CP: variants seen among roughly 807,000 people sequenced by gnomAD.
CP encodes ceruloplasmin, also known as caeruloplasmin.
In CP, 64 loss-of-function variants were observed where a neutral mutation model predicts 122.4. That is an observed-to-expected ratio of 0.52 (90% CI 0.43 to 0.64). The LOEUF (loss-of-function observed/expected upper bound fraction) is 0.64, where lower values mean the gene tolerates loss of function less well. Ranked by LOEUF, CP falls within the 30% of genes least tolerant of loss-of-function variation. The pLI is 0.00. For missense variants in CP, 1,167 were observed against 1,284.4 expected (o/e 0.91, Z 1.40); for synonymous variants, 440 against 436.4 (o/e 1.01, Z -0.10).
At chr3:149,201,890 C>T (rs543602249) in intron 7 of CP, among the ~76,000 whole-genome samples, 7 of 152,274 alleles carry the variant, frequency 4.6e-5, no homozygotes, top group East Asian at 1.9e-4. Flanking sequence ...CTACCACTCC[C>T]GGCCGTCAGC....
chr3:149,166,692 T>C (rs1002100557), intron 4 of CP, among the ~76,000 whole-genome samples: 6 of 152,214 alleles, frequency 3.9e-5, no homozygotes, highest in African/African-American at 1.4e-4. Context: ...GCGGTGAACA[T>C]CATTGGACGT....
intron 11 of CP, among the ~76,000 whole-genome samples, chr3:149,185,671 C>T (rs1287711551): frequency 6.6e-6 from 1 of 152,138 alleles, no homozygotes; most frequent in Non-Finnish European, 1.5e-5. Context: ...GCCTTCTCCC[C>T]AAAATATCCT....
Position 149,212,442 on chromosome 3 carries a change from T to G in CP, c.394+9A>C. On this transcript the variant is annotated intron_variant, in intron 2 of 18. Transcript: ENST00000264613. The stretch of plus-strand genomic sequence containing the variant: ...AAGAGGAAATTCCAGCTACATGAGC[T>G]GAACTTACCCTCATGTTCCTTATAG... 2 of 1,613,782 alleles carry G rather than the reference T, an allele frequency of 1.2e-6. No homozygotes were observed. Among genetic ancestry groups the G allele is most frequent in the Non-Finnish European group, 1.7e-6 (2 of 1,179,856 alleles).
Position 149,183,506 on chromosome 3 carries a change from T to C in CP, c.2385A>G (p.Pro795=). 2.5e-6 allele frequency: 4 copies of C among 1,611,892 alleles called. No individual in the cohort carries two copies. Among genetic ancestry groups the C allele is most frequent in the Non-Finnish European group, 3.4e-6 (4 of 1,179,794 alleles). ...GTTCTTCTTCAGCTTTTCTCTCCAC[T>C]GGAACACGGAATGTGCTATCAGTAT... ...RQYTDSTFRV[P]VERKAEEEHL... is the part of the protein sequence containing the mutation. Residue 795 remains proline (P), a synonymous_variant, in exon 13 of 19, where the codon CCA becomes CCG. Transcript: ENST00000264613.
intron 7 of CP, among the ~76,000 whole-genome samples, chr3:149,201,884 C>G (rs1727350187): frequency 6.6e-6 from 1 of 152,178 alleles, no homozygotes; most frequent in Admixed American, 6.5e-5. Flanking sequence ...GGTGAGCTAC[C>G]ACTCCCGGCC....
At chr3:149,207,169 T>G (rs1162953693) in intron 5 of CP, among the ~76,000 whole-genome samples, 194 bp downstream of exon 5, 1 of 152,208 alleles carries the variant, frequency 6.6e-6, no homozygotes, top group Admixed American at 6.5e-5. Flanking sequence ...TAATATATTT[T>G]CAAATTTCAT....
At chr3:149,162,806 A>T in exon 6 of CP, 1 of 1,614,072 alleles carries the variant, frequency 6.2e-7, no homozygotes, top group Non-Finnish European at 8.5e-7. Context: ...TCAAACTCAC[A>T]TCACAGTACA....
Position 149,221,765 on chromosome 3 carries a change from GA to G in CP, c.27del (p.Leu10CysfsTer75), listed in dbSNP as rs1396959660. 1 of 1,613,636 alleles carries G rather than the reference GA, an allele frequency of 6.2e-7. No homozygotes were observed. Among genetic ancestry groups the G allele is most frequent in the Non-Finnish European group, 8.5e-7 (1 of 1,179,756 alleles). ...CAGGCTGGGGTACTACATAAAAACA[GA>G]AAAATACCAAGTATCAAAATCTTCA... MKILILGI[F>X]LFLCSTPAWA... is the part of the protein sequence containing the mutation. On this transcript the variant is annotated frameshift_variant, in exon 1 of 19. Transcript: ENST00000264613. LOFTEE classifies it high-confidence loss of function.
At chr3:149,182,966 C>T (rs1725883229) in intron 13 of CP, among the ~76,000 whole-genome samples, 1 of 152,026 alleles carries the variant, frequency 6.6e-6, no homozygotes, top group Non-Finnish European at 1.5e-5. Flanking sequence ...GCCTGGCCAA[C>T]ATGGTGAAAC....
At position 149,206,704 on chromosome 3, in the gene CP, G is replaced by A. The variant is rs1727751356; in HGVS notation, c.1037-365C>T. 4.6e-5 allele frequency among the ~76,000 whole-genome samples: 7 copies of A among 152,090 alleles called. 1 individual carries two copies. The South Asian group carries it at 1.2e-3, about 27-fold the overall frequency. ...ATTTTAAGGGGTTGCATTGGGTGGAGGAGGAGGTACAAGGAGGAGGTACCA... is the reference window on the plus strand; with the variant it reads ...ATTTTAAGGGGTTGCATTGGGTGGAAGAGGAGGTACAAGGAGGAGGTACCA... On this transcript the variant is annotated intron_variant, in intron 5 of 18. Transcript: ENST00000264613.
chr3:149,163,323 G>T (rs1377048148), intron 5 of CP, among the ~76,000 whole-genome samples: 1 of 152,160 alleles, frequency 6.6e-6, no homozygotes, highest in South Asian at 2.1e-4. Context: ...TACAGGAGCT[G>T]TTCTGTGGCA....
chr3:149,181,392 C>G (rs1028859602), intron 14 of CP, among the ~76,000 whole-genome samples: 2 of 152,140 alleles, frequency 1.3e-5, no homozygotes, highest in African/African-American at 4.8e-5. Context: ...GGAAGCCCTC[C>G]TGACCTCTCT....
At chr3:149,217,016 T>G (rs1332176844) in intron 1 of CP, among the ~76,000 whole-genome samples, 2 of 151,788 alleles carry the variant, frequency 1.3e-5, no homozygotes, top group East Asian at 3.9e-4. Flanking sequence ...CTCTCCTGCC[T>G]TGGCCTCCTG....
chr3:149,194,796 C>CT (rs1379620836), intron 9 of CP, among the ~76,000 whole-genome samples: 1 of 152,016 alleles, frequency 6.6e-6, no homozygotes, highest in Admixed American at 6.6e-5. Context: ...ACTATCAAGC[C>CT]TTTTTTCTGG....
At chr3:149,199,597 T>C (rs1243494124) in intron 8 of CP, 115 bp downstream of exon 8, 3 of 1,210,662 alleles carry the variant, frequency 2.5e-6, no homozygotes, top group Non-Finnish European at 3.7e-6. Flanking sequence ...CTAGAAATGA[T>C]ATATGAGCGG....
chr3:149,174,127 C>T (rs1273201057), intron 18 of CP, among the ~76,000 whole-genome samples: 1 of 152,074 alleles, frequency 6.6e-6, no homozygotes, highest in East Asian at 1.9e-4. Context: ...TAAATCTAAT[C>T]ATAAGGAAAC....
In CP at chr3:149,199,784, G is replaced by T. The variant is rs759854689; in HGVS notation, c.1429C>A (p.Pro477Thr). ...TTCTTATTGAATCTCACCCCAATCG[G>T]CTCAATACTGAGGGGATATGCTCCT... The part of the protein sequence containing the change: ...NKGAYPLSIE[P>T]IGVRFNKNNE... Residue 477 changes from proline (P) to threonine (T), a missense_variant, in exon 8 of 19, where the codon CCG becomes ACG. This residue lies in a region of CP where 642 missense variants were observed against 627.3 expected (regional missense o/e 1.02). Transcript: ENST00000264613. 1 of 1,614,072 alleles carries T rather than the reference G, an allele frequency of 6.2e-7. No individual in the cohort carries two copies. Among genetic ancestry groups the T allele is most frequent in the South Asian group, 1.1e-5 (1 of 91,082 alleles).
intron 9 of CP, among the ~76,000 whole-genome samples, chr3:149,190,131 T>C (rs1726447412): frequency 1.3e-5 from 2 of 151,850 alleles, no homozygotes; most frequent in Non-Finnish European, 2.9e-5. Context: ...GGTAAAATGA[T>C]TAAATCCAAA....
At chr3:149,194,341 C>T (rs564814092) in intron 9 of CP, among the ~76,000 whole-genome samples, 1 of 151,832 alleles carries the variant, frequency 6.6e-6, no homozygotes, top group East Asian at 1.9e-4. Flanking sequence ...CGGGTTCAAG[C>T]AATTCTTGTG....
Sources: allele counts gnomAD v4.1 joint callset (sites outside exome capture counted in the v4.1 genomes callset), GRCh38; gene constraint gnomAD v4.1.1; regional missense constraint gnomAD v4.1.1; transcripts MANE v1.5; gene names NCBI Gene and HGNC (gene_info 2026-07-23, HGNC 2026-07-21).